Variants in SEMA7A observed in about 807,000 individuals in gnomAD.
SEMA7A encodes semaphorin 7A (JohnMiltonHagen blood group), also known as semaphorin-7A.
A neutral mutation model predicts 67.5 loss-of-function variants in SEMA7A; 21 were observed. The ratio of observed to expected loss-of-function variants is 0.31; its 90% CI spans 0.22 to 0.45. The LOEUF (loss-of-function observed/expected upper bound fraction) is 0.45. SEMA7A is among the 20% of genes least tolerant of loss of function. The probability of loss-of-function intolerance (pLI) is 1.00; values close to 1 mark genes in which losing one functional copy is unlikely to be tolerated. For missense variants in SEMA7A, 774 were observed against 908.6 expected (o/e 0.85, Z 1.90); for synonymous variants, 364 against 368.5 (o/e 0.99, Z 0.14).
rs753848684 is a variant in SEMA7A, at chr15:74,417,686, T to C, written c.466-11A>G. On this transcript the variant is annotated splice_polypyrimidine_tract_variant and intron_variant, in intron 4 of 13. Transcript: ENST00000261918. Reference sequence around the variant, plus strand: ...CACAGTGCCATTCACCTGTGGGAGATCCAGAGGGTTGGATGGCCACATAAT... The same window carrying C: ...CACAGTGCCATTCACCTGTGGGAGACCCAGAGGGTTGGATGGCCACATAAT... 9 of 1,606,356 alleles carry C rather than the reference T, an allele frequency of 5.6e-6. No homozygotes were observed. The Admixed American group carries it at 6.7e-5, about 12-fold the overall frequency.
chr15:74,417,959 T>C lies in SEMA7A; in HGVS notation c.383A>G (p.Asn128Ser), dbSNP rs750229375. The C allele has an allele frequency of 1.1e-5, 18 of 1,613,096 alleles. No homozygotes were observed. The highest frequency in any genetic ancestry group is 1.5e-5 in the Non-Finnish European group (18 of 1,179,956). Reference sequence around the variant, plus strand: ...CCGCCTCTCCAGGAGAGTGATGTAGTTCTCGCAGTCCTGCCCGGGGAAGAG... The same window carrying C: ...CCGCCTCTCCAGGAGAGTGATGTAGCTCTCGCAGTCCTGCCCGGGGAAGAG... ...GSCLDKRDCE[N>S]YITLLERRSE... Residue 128 changes from asparagine to serine, a missense_variant, in exon 4 of 14, where the codon AAC becomes AGC. By Grantham distance (46) the Asn-to-Ser change is conservative (BLOSUM62 1). Coordinates refer to ENST00000261918, the MANE Select transcript of SEMA7A (RefSeq NM_003612.5).
intron 1 of SEMA7A, among the ~76,000 whole-genome samples, chr15:74,424,260 T>C (rs2061024554): frequency 6.6e-6 from 1 of 152,050 alleles, no homozygotes; most frequent in South Asian, 2.1e-4. Flanking sequence ...ATTAGCTGGG[T>C]GCGAGTCAGG....
intron 1 of SEMA7A, 165 bp downstream of exon 1, chr15:74,433,573 CACT>C: frequency 8.2e-7 from 1 of 1,226,836 alleles, no homozygotes; most frequent in South Asian, 3.7e-5. Context: ...CCAGCGTGTA[CACT>C]CACACACACT....
At chr15:74,416,821 A>C in intron 6 of SEMA7A, 107 bp from the exon 7 acceptor site, 1 of 1,272,890 alleles carries the variant, frequency 7.9e-7, no homozygotes, top group Non-Finnish European at 1.1e-6. Context: ...AAACCATGGC[A>C]AATCAGATCT....
At position 74,414,915 on chromosome 15, in the gene SEMA7A, C is replaced by G; in HGVS notation, c.1018G>C (p.Gly340Arg). The G allele has an allele frequency of 1.2e-6, 2 of 1,614,070 alleles. No individual in the cohort carries two copies. The highest frequency in any genetic ancestry group is 1.7e-6 in the Non-Finnish European group (2 of 1,179,990). ...GTACGGAAGACCTTGTCAATGTCAC[C>G]GAGGGAATACACACAGACGGCTGAG... ...NYSAVCVYSLGDIDKVFRTSS... is the reference protein window; with the variant it reads ...NYSAVCVYSLRDIDKVFRTSS... Residue 340 changes from glycine to arginine, a missense_variant, in exon 9 of 14, where the codon GGT becomes CGT. Around this residue, in one of 2 missense-constraint regions of SEMA7A, gnomAD observed 427 missense variants for 555.4 expected, o/e 0.77. Coordinates refer to ENST00000261918, the MANE Select transcript of SEMA7A (RefSeq NM_003612.5). The surrounding 1 kb of genome is among the most constrained non-coding windows in gnomAD (Gnocchi z 4.1).
At chr15:74,429,875 C>T (rs1247482220) in intron 1 of SEMA7A, among the ~76,000 whole-genome samples, 2 of 152,092 alleles carry the variant, frequency 1.3e-5, no homozygotes, top group African/African-American at 4.8e-5. Flanking sequence ...TCCTCCTGTT[C>T]CTTCCCTCCC....
At chr15:74,417,485 G>T in intron 5 of SEMA7A, 40 bp from the exon 6 acceptor site, 1 of 1,590,638 alleles carries the variant, frequency 6.3e-7, no homozygotes, top group Non-Finnish European at 8.6e-7. Context: ...AGGGCAGGCA[G>T]CTCCTGGAAG....
chr15:74,433,853 C>T lies in SEMA7A; in HGVS notation c.66G>A (p.Pro22=), dbSNP rs953115880. ...SAPRARVPGP[P]ARLGLPLRLR... ...GCCGCAGCGGAAGCCCCAACCGAGC[C>T]GGCGGGCCAGGGACGCGGGCGCGCG... The change falls in exon 1 of 14, where the codon CCG becomes CCA. Residue 22 remains proline (P), a synonymous_variant. Coordinates refer to ENST00000261918, the MANE Select transcript of SEMA7A (RefSeq NM_003612.5). The T allele has an allele frequency of 3.0e-6, 4 of 1,317,434 alleles. No individual in the cohort carries two copies. In the African/African-American group the frequency reaches 4.6e-5, roughly 15 times the overall value. The allele number at this position is 1,317,434 out of a possible 1,614,324, so 81.6% of individuals were successfully genotyped here.
chr15:74,418,906 G>T lies in SEMA7A; in HGVS notation c.225C>A (p.His75Gln). ...TGCCTGGCTCGTGGAAAAGCACCGT[G>T]TGCGGCTCAGTCTGGCCAAAGTCCA... Reference protein sequence around the residue: ...DRVDFGQTEPHTVLFHEPGSS... With the variant: ...DRVDFGQTEPQTVLFHEPGSS... The change falls in exon 2 of 14, where the codon CAC becomes CAA. Residue 75 changes from histidine to glutamine, a missense_variant. This residue lies in a region of SEMA7A where 347 missense variants were observed against 353.2 expected (regional missense o/e 0.98). Transcript: ENST00000261918. 1 of 1,613,798 alleles carries T rather than the reference G, an allele frequency of 6.2e-7. No individual in the cohort carries two copies. Among genetic ancestry groups the T allele is most frequent in the South Asian group, 1.1e-5 (1 of 91,088 alleles).
rs1160942895 is a variant in SEMA7A, at chr15:74,418,906, G to C, written c.225C>G (p.His75Gln). The C allele has an allele frequency of 1.2e-6, 2 of 1,613,798 alleles. No individual in the cohort carries two copies. Among genetic ancestry groups the C allele is most frequent in the African/African-American group, 1.3e-5 (1 of 75,054 alleles). ...DRVDFGQTEP[H>Q]TVLFHEPGSS... ...TGCCTGGCTCGTGGAAAAGCACCGT[G>C]TGCGGCTCAGTCTGGCCAAAGTCCA... Residue 75 changes from histidine (H) to glutamine (Q), a missense_variant, in exon 2 of 14, where the codon CAC becomes CAG. Around this residue, in one of 2 missense-constraint regions of SEMA7A, gnomAD observed 347 missense variants for 353.2 expected, o/e 0.98. Transcript: ENST00000261918.
chr15:74,417,791 C>A, intron 4 of SEMA7A, 86 bp downstream of exon 4: 1 of 1,560,270 alleles, frequency 6.4e-7, no homozygotes, highest in Non-Finnish European at 8.8e-7. Context: ...GCATTGGAGT[C>A]TCGCCATCTC....
At chr15:74,427,231 G>A in intron 1 of SEMA7A, 1 of 985,382 alleles carries the variant, frequency 1.0e-6, no homozygotes, top group Non-Finnish European at 1.2e-6. Context: ...TCTGGCCTAT[G>A]GGGCCCTGAA....
Position 74,410,613 on chromosome 15 carries a change from C to T in SEMA7A, c.*11G>A. ...TGCAGAAGCCTGAGGCATGCCCAGC[C>T]TCGGGAGGCCCTAGTGGACCAGCAA... is the stretch of plus-strand genomic sequence containing the variant. On this transcript the variant is annotated 3_prime_UTR_variant, in exon 14 of 14. Transcript: ENST00000261918. The surrounding 1 kb of genome is among the most constrained non-coding windows in gnomAD (Gnocchi z 7.5). The T allele has an allele frequency of 1.3e-6, 2 of 1,568,428 alleles. No homozygotes were observed. Among genetic ancestry groups the T allele is most frequent in the Non-Finnish European group, 1.7e-6 (2 of 1,153,638 alleles).
rs1331646389 is a variant in SEMA7A at position 74,410,660 on chromosome 15, C to A, written c.1965G>T (p.Val655=). Residue 655 remains valine, a synonymous_variant, in exon 14 of 14, where the codon GTG becomes GTT. Coordinates refer to ENST00000261918, the MANE Select transcript of SEMA7A (RefSeq NM_003612.5). This position sits in a 1 kb window ranked among gnomAD's most constrained non-coding sequence, Gnocchi z 7.5. ...GCAAGCCAAGAGTGAGTGTGGGCAG[C>A]ACCCCCAGCCAGAGGGAGGCGGCCA... The part of the protein sequence containing the change: ...CALAASLWLG[V]LPTLTLGLLV... 2 of 1,604,492 alleles carry A rather than the reference C, an allele frequency of 1.2e-6. No homozygotes were observed. Among genetic ancestry groups the A allele is most frequent in the African/African-American group, 2.7e-5 (2 of 74,826 alleles).
chr15:74,411,298 G>C lies in SEMA7A; in HGVS notation c.1636C>G (p.Pro546Ala). The change falls in exon 13 of 14, where the codon CCA (proline) becomes GCA (alanine). Residue 546 changes from proline to alanine, a missense_variant. Physicochemically the swap from Pro to Ala is conservative, Grantham distance 27. Around this residue, in one of 2 missense-constraint regions of SEMA7A, gnomAD observed 427 missense variants for 555.4 expected, o/e 0.77. Transcript: ENST00000261918. This position sits in a 1 kb window ranked among gnomAD's most constrained non-coding sequence, Gnocchi z 4.4. Reference sequence around the variant, plus strand: ...CCAGCAGGGCCAGATCAGGTACCTGGTTTGGGGTTGGGACACTCCTTGTGT... The same window carrying C: ...CCAGCAGGGCCAGATCAGGTACCTGCTTTGGGGTTGGGACACTCCTTGTGT... ...EPHKECPNPK[P>A]DKAPLQKVSL... The C allele has an allele frequency of 6.2e-7, 1 of 1,613,976 alleles. No homozygotes were observed. Among genetic ancestry groups the C allele is most frequent in the Non-Finnish European group, 8.5e-7 (1 of 1,179,880 alleles).
At chr15:74,420,557 C>T (rs1166449931) in intron 1 of SEMA7A, among the ~76,000 whole-genome samples, 3 of 152,214 alleles carry the variant, frequency 2.0e-5, no homozygotes, top group African/African-American at 7.2e-5. Context: ...GCCTCCCTCC[C>T]TGTAGGCCCG....
Position 74,417,376 on chromosome 15 carries a change from CGGA to C in SEMA7A, c.617_619del (p.Ile206del). ...ACTGGTGTACAGCTCACTCTCGCCC[CGGA>C]TGCGGCGGAACCGAGGGATCTTCCC... On this transcript the variant is annotated inframe_deletion, in exon 6 of 14. Transcript: ENST00000261918. 1 of 1,614,036 alleles carries C rather than the reference CGGA, an allele frequency of 6.2e-7. No individual in the cohort carries two copies. The highest frequency in any genetic ancestry group is 8.5e-7 in the Non-Finnish European group (1 of 1,180,010).
At chr15:74,412,042 C>A (rs202010707) in intron 10 of SEMA7A, 30 bp from the exon 11 acceptor site, 4 of 1,604,678 alleles carry the variant, frequency 2.5e-6, no homozygotes, top group Non-Finnish European at 3.4e-6. Context: ...GGTCAGTGGG[C>A]GGGAGTCCCA....
chr15:74,421,136 C>T (rs2060997073), intron 1 of SEMA7A, among the ~76,000 whole-genome samples: 1 of 152,176 alleles, frequency 6.6e-6, no homozygotes, highest in African/African-American at 2.4e-5. Context: ...AACAGTCCTG[C>T]CCTGGGGAGT....
Sources: gnomAD v4.1 joint callset for allele counts (sites outside exome capture counted in the v4.1 genomes callset) on GRCh38, gnomAD v4.1.1 for gene constraint, gnomAD v4.1.1 regional missense constraint, Gnocchi (gnomAD v3.1) non-coding constraint, MANE v1.5 for transcripts, NCBI Gene and HGNC (gene_info 2026-07-23, HGNC 2026-07-21) for gene names.